Variants in KIR2DL3 observed in about 807,000 individuals in gnomAD.
KIR2DL3 encodes killer cell immunoglobulin like receptor, two Ig domains and long cytoplasmic tail 3.
Under a neutral mutation model 33.8 loss-of-function variants are expected in KIR2DL3, and 39 were observed. The observed-to-expected ratio is 1.15, with a 90% confidence interval of 0.89 to 1.51. The LOEUF (loss-of-function observed/expected upper bound fraction) is 1.51, where lower values mean the gene tolerates loss of function less well. Ranked by LOEUF, KIR2DL3 falls within the 40% of genes most tolerant of loss-of-function variation. The pLI, the probability that KIR2DL3 is intolerant of heterozygous loss-of-function variation, is 0.00. For missense variants in KIR2DL3, 462 were observed against 426.2 expected (o/e 1.08, Z -0.74); for synonymous variants, 174 against 160.2 (o/e 1.09, Z -0.65).
At chr19:54,741,760 G>C (rs1406987058) in intron 2 of KIR2DL3, among the ~76,000 whole-genome samples, 5 of 151,318 alleles carry the variant, frequency 3.3e-5, no homozygotes, top group African/African-American at 1.2e-4. Flanking sequence ...CAGCCCAGTG[G>C]GAAGGGAATC....
intron 2 of KIR2DL3, among the ~76,000 whole-genome samples, chr19:54,740,627 G>A (rs1346638730): frequency 2.0e-5 from 3 of 151,614 alleles, no homozygotes; most frequent in South Asian, 2.1e-4. Context: ...ATGTCCTTGA[G>A]GGTCCCATCA....
rs772508067 is a variant in KIR2DL3, at chr19:54,751,613, T to A, written c.716-36T>A. 77 of 1,429,044 alleles carry A rather than the reference T, an allele frequency of 5.4e-5. 6 individuals are homozygous for A. In the Admixed American group the frequency reaches 1.1e-3, roughly 21 times the overall value. The allele number at this position is 1,429,044 out of a possible 1,614,324, so 88.5% of individuals were successfully genotyped here. A position where few individuals can be genotyped will look rare whatever the true frequency, so the allele number is the denominator to read the frequency against. ...GACAATTCATAAAGAGGAACTGCTA[T>A]GATTAGCTTCTTATTGGTGTCTCCT... On this transcript the variant is annotated intron_variant, in intron 5 of 7. Transcript: ENST00000342376.
At chr19:54,744,219 A>C (rs2071806824) in intron 4 of KIR2DL3, 131 bp downstream of exon 4, 1 of 1,419,336 alleles carries the variant, frequency 7.0e-7, no homozygotes, top group Non-Finnish European at 9.7e-7. Context: ...GGGAGGGATC[A>C]GGGCACAGGA....
chr19:54,738,786 G>T (rs1244041200), intron 1 of KIR2DL3, among the ~76,000 whole-genome samples: 1 of 151,170 alleles, frequency 6.6e-6, no homozygotes, highest in Admixed American at 6.6e-5. Context: ...TAGAGATATG[G>T]GCTTGTAGTG....
chr19:54,747,553 G>T (rs2072746798), intron 5 of KIR2DL3, among the ~76,000 whole-genome samples, 168 bp downstream of exon 5: 1 of 152,264 alleles, frequency 6.6e-6, no homozygotes, highest in South Asian at 2.1e-4. Flanking sequence ...CCAACCTAGG[G>T]CTCAGTGAAA....
At chr19:54,748,369 C>G (rs2072890388) in intron 5 of KIR2DL3, among the ~76,000 whole-genome samples, 1 of 145,658 alleles carries the variant, frequency 6.9e-6, no homozygotes, top group Non-Finnish European at 1.5e-5. Flanking sequence ...ACCGCAATTC[C>G]ATCTACAATC....
At chr19:54,752,151 C>T in intron 6 of KIR2DL3, 65 bp from the exon 7 acceptor site, 1 of 1,425,906 alleles carries the variant, frequency 7.0e-7, no homozygotes. Context: ...ATGTTGGTAT[C>T]TGCTTATGAA....
At chr19:54,747,472 C>T (rs1288812989) in intron 5 of KIR2DL3, 87 bp downstream of exon 5, 12 of 1,493,258 alleles carry the variant, frequency 8.0e-6, no homozygotes, top group Non-Finnish European at 1.1e-5. Context: ...CATCTCGCAG[C>T]TCTGACATTG....
In KIR2DL3 at chr19:54,751,350, C is replaced by A. The variant is rs1330725248; in HGVS notation, c.716-299C>A. Reference sequence around the variant, plus strand: ...CAGCATTGGTCTGTTCATGATGGATCCACCTCCATGACCCAAACACCTCTC... The same window carrying A: ...CAGCATTGGTCTGTTCATGATGGATACACCTCCATGACCCAAACACCTCTC... On this transcript the variant is annotated intron_variant, in intron 5 of 7. Transcript: ENST00000342376. Among the ~76,000 whole-genome samples the A allele has an allele frequency of 2.3e-5, 3 of 132,478 alleles. 1 individual carries two copies. Among genetic ancestry groups the A allele is most frequent in the African/African-American group, 8.6e-5 (3 of 34,790 alleles). 86.9% of individuals were successfully genotyped at this position (132,478 alleles called of 152,430 possible).
At chr19:54,744,948 ATATATATTTTTTT>A (rs2072166661) in intron 4 of KIR2DL3, among the ~76,000 whole-genome samples, 33 of 26,242 alleles carry the variant, frequency 1.3e-3, no homozygotes, top group African/African-American at 3.2e-3. Context: ...ATATATATAT[ATATATATTTTTTT>A]TTTTTTTTTT....
At chr19:54,748,764 G>A (rs1276028313) in intron 5 of KIR2DL3, among the ~76,000 whole-genome samples, 2 of 145,236 alleles carry the variant, frequency 1.4e-5, no homozygotes, top group South Asian at 2.2e-4. Context: ...TGGGATTACA[G>A]GCAACTGCCA....
Position 54,742,037 on chromosome 19 carries a change from A to C in KIR2DL3, c.128A>C (p.Glu43Ala). 10 of 1,612,642 alleles carry C rather than the reference A, an allele frequency of 6.2e-6. No individual in the cohort carries two copies. Among genetic ancestry groups the C allele is most frequent in the Non-Finnish European group, 8.5e-6 (10 of 1,179,078 alleles). ...CCAGGTCCCCTGGTGAAATCAGAAG[A>C]GACAGTCATCCTGCAATGTTGGTCA... The part of the protein sequence containing the change: ...AHPGPLVKSE[E>A]TVILQCWSDV... Residue 43 changes from glutamate to alanine, a missense_variant, in exon 3 of 8, where the codon GAG (glutamate) becomes GCG (alanine). By Grantham distance (107) the Glu-to-Ala change is moderately radical (BLOSUM62 -1). Coordinates refer to ENST00000342376, the MANE Select transcript of KIR2DL3 (RefSeq NM_015868.3).
intron 2 of KIR2DL3, among the ~76,000 whole-genome samples, chr19:54,741,058 A>C (rs1460698955): frequency 6.6e-6 from 1 of 151,746 alleles, no homozygotes; most frequent in South Asian, 2.1e-4. Flanking sequence ...ATAGGGTCCA[A>C]TTTCTGTCTC....
chr19:54,739,490 A>T lies in KIR2DL3; in HGVS notation c.35-17A>T. On this transcript the variant is annotated splice_polypyrimidine_tract_variant and intron_variant, in intron 1 of 7. Transcript: ENST00000342376. ...TTTGCCTGCAGATGGATGGTCCATC[A>T]TGATCTTTCTTTCCAGGGTTCTTCT... 1.2e-6 allele frequency: 2 copies of T among 1,613,958 alleles called. No homozygotes were observed. The highest frequency in any genetic ancestry group is 2.2e-5 in the South Asian group (2 of 91,076).
In KIR2DL3 at chr19:54,752,592, G is replaced by C; in HGVS notation, c.*73G>C. 6.9e-7 allele frequency: 1 copy of C among 1,446,816 alleles called. No homozygotes were observed. The highest frequency in any genetic ancestry group is 9.4e-7 in the Non-Finnish European group (1 of 1,061,614). 89.6% of individuals were successfully genotyped at this position (1,446,816 alleles called of 1,614,324 possible). A position where few individuals can be genotyped will look rare whatever the true frequency, so the allele number is the denominator to read the frequency against. On this transcript the variant is annotated 3_prime_UTR_variant, in exon 8 of 8. Coordinates refer to ENST00000342376, the MANE Select transcript of KIR2DL3 (RefSeq NM_015868.3). ...GATCTTCTAGGGAGACAACAGCCCT[G>C]TCTCAAAACTGGGTTGCCAGCTCCA...
At chr19:54,748,721 A>T (rs2072957444) in intron 5 of KIR2DL3, among the ~76,000 whole-genome samples, 1 of 143,152 alleles carries the variant, frequency 7.0e-6, no homozygotes, top group South Asian at 2.3e-4. Context: ...TCCTGGATTC[A>T]AGTGATTCTC....
At chr19:54,739,724 TG>T (rs1329830616) in intron 2 of KIR2DL3, among the ~76,000 whole-genome samples, 182 bp downstream of exon 2, 1 of 151,710 alleles carries the variant, frequency 6.6e-6, no homozygotes, top group Non-Finnish European at 1.5e-5. Flanking sequence ...TCAAGTTCTG[TG>T]GGGACCAGGG....
chr19:54,743,933 G>C lies in KIR2DL3; in HGVS notation c.509G>C (p.Arg170Thr), dbSNP rs1445165711. The C allele has an allele frequency of 1.9e-6, 3 of 1,614,162 alleles. No homozygotes were observed. The Admixed American group carries it at 5.0e-5, about 27-fold the overall frequency. Reference sequence around the variant, plus strand: ...AGGGAGGGGGAGGCCCATGAACGTAGGTTCTCTGCAGGGCCCAAGGTCAAC... The same window carrying C: ...AGGGAGGGGGAGGCCCATGAACGTACGTTCTCTGCAGGGCCCAAGGTCAAC... The part of the protein sequence containing the change: ...LSREGEAHER[R>T]FSAGPKVNGT... Residue 170 changes from arginine to threonine, a missense_variant, in exon 4 of 8, where the codon AGG (arginine) becomes ACG (threonine). Arg to Thr is a moderately conservative substitution (Grantham distance 71). Transcript: ENST00000342376.
chr19:54,748,658 G>T (rs896281838), intron 5 of KIR2DL3, among the ~76,000 whole-genome samples: 5 of 145,776 alleles, frequency 3.4e-5, no homozygotes, highest in African/African-American at 1.3e-4. Flanking sequence ...GTCGCCCTCT[G>T]TCTTCCAGGC....
Sources: gnomAD v4.1 joint callset for allele counts (sites outside exome capture counted in the v4.1 genomes callset) on GRCh38, gnomAD v4.1.1 for gene constraint, MANE v1.5 for transcripts, NCBI Gene and HGNC (gene_info 2026-07-23, HGNC 2026-07-21) for gene names.